TLN2: variants seen among roughly 807,000 people sequenced by gnomAD.
TLN2 encodes the protein talin-2.
A neutral mutation model predicts 294.7 loss-of-function variants in TLN2; 118 were observed. The ratio of observed to expected loss-of-function variants is 0.40; its 90% CI spans 0.34 to 0.47. The LOEUF (loss-of-function observed/expected upper bound fraction) is 0.47, where lower values mean the gene tolerates loss of function less well. Among genes scored for constraint, TLN2 ranks in the 20% least tolerant of loss-of-function variants. The pLI is 0.84. For synonymous variants in TLN2, 1,431 were observed against 1,304.5 expected (o/e 1.10, Z -2.09); for missense variants, 3,083 against 3,282.2 (o/e 0.94, Z 1.48).
At chr15:62,394,662 G>T (rs939237495) in intron 1 of TLN2, among the ~76,000 whole-genome samples, 46 of 152,176 alleles carry the variant, frequency 3.0e-4, no homozygotes, top group African/African-American at 1.0e-3. Context: ...TTCCCCTGCA[G>T]GGCCCACACC....
chr15:62,482,922 T>C (rs939802719), intron 1 of TLN2, among the ~76,000 whole-genome samples: 2 of 152,180 alleles, frequency 1.3e-5, no homozygotes, highest in Non-Finnish European at 1.5e-5. Context: ...GTTCTTGTTG[T>C]ATCCACAGTG....
At chr15:62,818,500 G>C (rs1216067979) in intron 52 of TLN2, among the ~76,000 whole-genome samples, 1 of 152,182 alleles carries the variant, frequency 6.6e-6, no homozygotes, top group Non-Finnish European at 1.5e-5. Context: ...AGTTTGAGAA[G>C]AAATCAGCTG....
intron 11 of TLN2, among the ~76,000 whole-genome samples, chr15:62,676,240 G>A (rs1453312866): frequency 6.6e-6 from 1 of 152,184 alleles, no homozygotes; most frequent in Admixed American, 6.5e-5. Flanking sequence ...ATCGGAGCAA[G>A]CTGCCTCATT....
chr15:62,765,469 A>G (rs1361357611), intron 40 of TLN2, among the ~76,000 whole-genome samples: 1 of 152,200 alleles, frequency 6.6e-6, no homozygotes, highest in Non-Finnish European at 1.5e-5. Context: ...TCTGATGAGC[A>G]GGACATCGCT....
chr15:62,468,778 TA>T (rs10551431), intron 1 of TLN2, among the ~76,000 whole-genome samples: 3,937 of 149,654 alleles, frequency 0.026, 57 homozygotes, highest in Non-Finnish European at 0.031. Flanking sequence ...AATACAAAAA[TA>T]AAAAAAAAAA....
chr15:62,689,253 A>G (rs1283423565), intron 12 of TLN2, among the ~76,000 whole-genome samples: 1 of 152,128 alleles, frequency 6.6e-6, no homozygotes, highest in Non-Finnish European at 1.5e-5. Context: ...CCTTAAGTGT[A>G]GAAACCTTAC....
At chr15:62,548,618 C>T (rs1279639031) in intron 1 of TLN2, among the ~76,000 whole-genome samples, 1 of 152,188 alleles carries the variant, frequency 6.6e-6, no homozygotes, top group African/African-American at 2.4e-5. Flanking sequence ...TTCCGCCTAA[C>T]TAACATGGCA....
At chr15:62,679,536 T>G (rs964403542) in intron 11 of TLN2, among the ~76,000 whole-genome samples, 2 of 152,208 alleles carry the variant, frequency 1.3e-5, no homozygotes, top group African/African-American at 4.8e-5. Flanking sequence ...ACTATATGAT[T>G]CCCTTTATGT....
At chr15:62,711,766 G>C in intron 21 of TLN2, 145 bp from the exon 22 acceptor site, 3 of 812,020 alleles carry the variant, frequency 3.7e-6, no homozygotes, top group Non-Finnish European at 5.4e-6. Flanking sequence ...TAATTTGGAT[G>C]CATGGCTTAG....
intron 1 of TLN2, 125 bp downstream of exon 1, chr15:62,390,810 C>T (rs940720093): frequency 1.3e-5 from 2 of 152,174 alleles, no homozygotes; most frequent in Non-Finnish European, 2.9e-5. Flanking sequence ...CTCCCTTTTG[C>T]TTCTCGTGAG....
intron 41 of TLN2, among the ~76,000 whole-genome samples, chr15:62,770,400 G>C (rs754047777): frequency 2.0e-5 from 3 of 152,146 alleles, no homozygotes; most frequent in Admixed American, 6.5e-5. Flanking sequence ...GGTTCCTGTC[G>C]GGATAAGCTT....
intron 1 of TLN2, among the ~76,000 whole-genome samples, chr15:62,419,405 G>C (rs961342664): frequency 6.6e-6 from 1 of 152,188 alleles, no homozygotes; most frequent in Non-Finnish European, 1.5e-5. Flanking sequence ...ACAGCTGTTG[G>C]TGCTGGAAGT....
At chr15:62,396,598 T>G (rs13329255) in intron 1 of TLN2, among the ~76,000 whole-genome samples, 3 of 152,192 alleles carry the variant, frequency 2.0e-5, no homozygotes, top group Middle Eastern at 3.2e-3. Flanking sequence ...CAGGAGGTGG[T>G]GAAAGTAAGA....
intron 32 of TLN2, among the ~76,000 whole-genome samples, chr15:62,744,550 A>T (rs896898281): frequency 6.6e-6 from 1 of 150,530 alleles, no homozygotes; most frequent in Non-Finnish European, 1.5e-5. Context: ...TTATGTTTTT[A>T]TTTATTTTTA....
At chr15:62,655,516 T>C (rs1174211271) in intron 7 of TLN2, among the ~76,000 whole-genome samples, 1 of 152,210 alleles carries the variant, frequency 6.6e-6, no homozygotes, top group Admixed American at 6.5e-5. Context: ...GATCACTTTA[T>C]TAGGTGAGAC....
At chr15:62,743,955 C>A (rs1481274426) in intron 32 of TLN2, among the ~76,000 whole-genome samples, 1 of 152,196 alleles carries the variant, frequency 6.6e-6, no homozygotes, top group Non-Finnish European at 1.5e-5. Flanking sequence ...GGACGGGGCT[C>A]CTCCTGTCCC....
At chr15:62,694,131 C>G (rs909229286) in intron 13 of TLN2, among the ~76,000 whole-genome samples, 185 bp from the exon 14 acceptor site, 1 of 151,920 alleles carries the variant, frequency 6.6e-6, no homozygotes, top group African/African-American at 2.4e-5. Context: ...CCATGCCAGG[C>G]TGATTTATGT....
chr15:62,527,072 A>G (rs1054393464), intron 1 of TLN2, among the ~76,000 whole-genome samples: 9 of 152,198 alleles, frequency 5.9e-5, no homozygotes, highest in African/African-American at 2.2e-4. Flanking sequence ...ATGCTTGGGA[A>G]GGCCTCCAAG....
At chr15:62,398,139 T>C (rs1000302912) in intron 1 of TLN2, among the ~76,000 whole-genome samples, 5 of 152,182 alleles carry the variant, frequency 3.3e-5, no homozygotes, top group South Asian at 2.1e-4. Context: ...GGGAGGGACC[T>C]GGTGGGAAGT....
Sources: gnomAD v4.1 joint callset for allele counts (sites outside exome capture counted in the v4.1 genomes callset) on GRCh38, gnomAD v4.1.1 for gene constraint, MANE v1.5 for transcripts, NCBI Gene and HGNC (gene_info 2026-07-23, HGNC 2026-07-21) for gene names.